Variants in NCALD observed in about 807,000 individuals in gnomAD.
NCALD encodes the protein neurocalcin delta.
In NCALD, 10 loss-of-function variants were observed where a neutral mutation model predicts 18.6. That is an observed-to-expected ratio of 0.54 (90% CI 0.33 to 0.91). The LOEUF is 0.91. Among genes scored for constraint, NCALD ranks in the 40% least tolerant of loss-of-function variants. NCALD has a pLI of 0.03. For missense variants in NCALD, 184 were observed against 247.6 expected (o/e 0.74, Z 1.72); for synonymous variants, 88 against 87.4 (o/e 1.01, Z -0.04).
At chr8:101,855,149 G>A (rs951843158) in intron 4 of NCALD, among the ~76,000 whole-genome samples, 1 of 152,146 alleles carries the variant, frequency 6.6e-6, no homozygotes, top group African/African-American at 2.4e-5. Context: ...GATGGGACCA[G>A]TATCCCTAAC....
intron 2 of NCALD, among the ~76,000 whole-genome samples, chr8:101,971,369 C>T (rs1180670397): frequency 6.6e-6 from 1 of 151,984 alleles, no homozygotes. Context: ...ATTGTAATCC[C>T]CATAATCCCC....
intron 1 of NCALD, among the ~76,000 whole-genome samples, chr8:102,031,712 G>A (rs189370084): frequency 6.6e-6 from 1 of 152,250 alleles, no homozygotes; most frequent in Admixed American, 6.5e-5. Context: ...CCTATTGAAG[G>A]AAGGTGAGCA....
intron 1 of NCALD, among the ~76,000 whole-genome samples, chr8:102,117,830 C>T (rs900852686): frequency 6.6e-6 from 1 of 152,168 alleles, no homozygotes; most frequent in Non-Finnish European, 1.5e-5. Context: ...CAAGTTTGTA[C>T]ACATCAGATT....
intron 2 of NCALD, among the ~76,000 whole-genome samples, chr8:101,705,083 T>C (rs1439156740): frequency 6.8e-6 from 1 of 147,352 alleles, no homozygotes; most frequent in Non-Finnish European, 1.5e-5. Context: ...AAAAATTAGC[T>C]GGGCATGGTG....
chr8:101,902,148 C>T (rs1817451270), intron 3 of NCALD, among the ~76,000 whole-genome samples: 1 of 152,074 alleles, frequency 6.6e-6, no homozygotes, highest in South Asian at 2.1e-4. Context: ...TAGATCCGTG[C>T]CCTCTTTTTT....
At chr8:101,735,957 A>G (rs1277669078) in intron 1 of NCALD, among the ~76,000 whole-genome samples, 1 of 152,162 alleles carries the variant, frequency 6.6e-6, no homozygotes, top group Non-Finnish European at 1.5e-5. Context: ...CAATTTTTTG[A>G]TGCTTGACTG....
At chr8:101,878,351 C>T (rs957960630) in intron 4 of NCALD, among the ~76,000 whole-genome samples, 1 of 152,240 alleles carries the variant, frequency 6.6e-6, no homozygotes, top group African/African-American at 2.4e-5. Flanking sequence ...GCTAAACTAA[C>T]TCCATGTGAT....
At chr8:101,985,489 C>T (rs1820774664) in intron 2 of NCALD, among the ~76,000 whole-genome samples, 1 of 152,190 alleles carries the variant, frequency 6.6e-6, no homozygotes. Context: ...TAAATATGTC[C>T]TCAGCCAGTG....
intron 2 of NCALD, chr8:101,693,115 C>A (rs893223998): frequency 1.1e-5 from 5 of 443,262 alleles, no homozygotes; most frequent in African/African-American, 2.0e-5. Context: ...GAGGGACAAC[C>A]AGCAGGAAGA....
At chr8:102,026,337 G>A (rs1051904482) in intron 1 of NCALD, among the ~76,000 whole-genome samples, 2 of 152,292 alleles carry the variant, frequency 1.3e-5, no homozygotes, top group Middle Eastern at 6.8e-3. Context: ...AAAATCAAAA[G>A]CAAGTTATTA....
intron 2 of NCALD, among the ~76,000 whole-genome samples, chr8:101,926,840 C>T (rs1818352777): frequency 6.6e-6 from 1 of 152,182 alleles, no homozygotes; most frequent in Non-Finnish European, 1.5e-5. Flanking sequence ...AGGGAAGTGG[C>T]AGTAGTTTCT....
chr8:102,039,625 T>C (rs1392164219), intron 1 of NCALD, among the ~76,000 whole-genome samples: 1 of 152,146 alleles, frequency 6.6e-6, no homozygotes, highest in African/African-American at 2.4e-5. Flanking sequence ...ATGAGCTCAG[T>C]CCAGTTCCTT....
At chr8:101,747,664 T>C (rs1030669319) in intron 1 of NCALD, among the ~76,000 whole-genome samples, 3 of 151,950 alleles carry the variant, frequency 2.0e-5, no homozygotes, top group Non-Finnish European at 4.4e-5. Flanking sequence ...GATTATCTCC[T>C]CTTTAAGCCT....
chr8:102,091,183 C>A (rs1397440792), intron 1 of NCALD, among the ~76,000 whole-genome samples: 1 of 152,046 alleles, frequency 6.6e-6, no homozygotes, highest in African/African-American at 2.4e-5. Flanking sequence ...CCACTGAAGC[C>A]AATTTAAAGA....
intron 2 of NCALD, among the ~76,000 whole-genome samples, chr8:101,922,006 C>T (rs937128152): frequency 2.0e-5 from 3 of 151,196 alleles, no homozygotes; most frequent in Admixed American, 2.0e-4. Flanking sequence ...TGCAGTGGCA[C>T]AATCTCAGCT....
At chr8:102,085,636 A>AAAG (rs1824712553) in intron 1 of NCALD, among the ~76,000 whole-genome samples, 1 of 152,164 alleles carries the variant, frequency 6.6e-6, no homozygotes, top group African/African-American at 2.4e-5. Context: ...AGGTGCCTGT[A>AAAG]ATCCCAGCTA....
rs543849391 is a variant in NCALD at position 101,958,884 on chromosome 8, T to C, written c.-156-43026A>G. 2.2e-4 allele frequency among the ~76,000 whole-genome samples: 33 copies of C among 152,300 alleles called. No homozygotes were observed. The South Asian group carries it at 3.9e-3, about 18-fold the overall frequency. Reference sequence around the variant, plus strand: ...TATTATTTGGAAACAATTCCAAATATACAGAAAAGTTGCAGAAACAGCACA... The same window carrying C: ...TATTATTTGGAAACAATTCCAAATACACAGAAAAGTTGCAGAAACAGCACA... On this transcript the variant is annotated intron_variant, in intron 2 of 6. Coordinates refer to the NCALD transcript ENST00000311028.
At chr8:101,764,016 C>CACACACACACACA (rs1563744473) in intron 1 of NCALD, among the ~76,000 whole-genome samples, 2 of 15,166 alleles carry the variant, frequency 1.3e-4, no homozygotes, top group Non-Finnish European at 5.1e-4. Flanking sequence ...ACACACACAC[C>CACACACACACACA]CCCTATTGGT....
chr8:101,882,798 G>A (rs1422993742), intron 4 of NCALD, among the ~76,000 whole-genome samples: 1 of 152,156 alleles, frequency 6.6e-6, no homozygotes, highest in Non-Finnish European at 1.5e-5. Context: ...ATGTAGCTAT[G>A]CAAACATTGC....
Sources: gnomAD v4.1 joint callset for allele counts (sites outside exome capture counted in the v4.1 genomes callset) on GRCh38, gnomAD v4.1.1 for gene constraint, MANE v1.5 for transcripts, NCBI Gene and HGNC (gene_info 2026-07-23, HGNC 2026-07-21) for gene names.